The following KCNIP4 variants were observed in gnomAD, a reference collection of about 807,000 sequenced individuals.
KCNIP4 encodes Kv channel-interacting protein 4.
Under a neutral mutation model 34.0 loss-of-function variants are expected in KCNIP4, and 12 were observed. That is an observed-to-expected ratio of 0.35 (90% CI 0.23 to 0.57). The LOEUF (loss-of-function observed/expected upper bound fraction) is 0.57, where lower values mean the gene tolerates loss of function less well. Ranked by LOEUF, KCNIP4 falls within the 20% of genes least tolerant of loss-of-function variation. The pLI is 0.83. For synonymous variants in KCNIP4, 124 were observed against 102.2 expected (o/e 1.21, Z -1.29); for missense variants, 238 against 311.7 (o/e 0.76, Z 1.78).
At chr4:21,677,971 T>C (rs1364088886) in intron 1 of KCNIP4, among the ~76,000 whole-genome samples, 2 of 152,250 alleles carry the variant, frequency 1.3e-5, no homozygotes, top group South Asian at 2.1e-4. Flanking sequence ...AGCCTGGTCT[T>C]GAACTCCTGA....
chr4:21,709,997 A>G (rs1713595288), intron 1 of KCNIP4, among the ~76,000 whole-genome samples: 1 of 152,210 alleles, frequency 6.6e-6, no homozygotes, highest in Non-Finnish European at 1.5e-5. Flanking sequence ...TTTAGATTAA[A>G]TTGGATAGGA....
chr4:20,870,941 C>T (rs1015182216), intron 2 of KCNIP4, among the ~76,000 whole-genome samples: 2 of 152,076 alleles, frequency 1.3e-5, no homozygotes, highest in African/African-American at 4.8e-5. Flanking sequence ...AGAGGAGAGG[C>T]CTCCTGAGAC....
intron 1 of KCNIP4, among the ~76,000 whole-genome samples, chr4:21,879,939 T>C (rs1726369378): frequency 6.6e-6 from 1 of 152,082 alleles, no homozygotes; most frequent in Non-Finnish European, 1.5e-5. Flanking sequence ...CACTCTGCAC[T>C]TCGCCTTCTT....
intron 1 of KCNIP4, among the ~76,000 whole-genome samples, chr4:21,109,792 T>C (rs540832228): frequency 6.6e-6 from 1 of 152,330 alleles, no homozygotes; most frequent in East Asian, 1.9e-4. Flanking sequence ...TTTCCTACCA[T>C]ATTCTTTGTG....
chr4:21,423,808 A>AT (rs58053047), intron 1 of KCNIP4, among the ~76,000 whole-genome samples: 14,223 of 141,350 alleles, frequency 0.1, 729 homozygotes, highest in East Asian at 0.18. Flanking sequence ...ACTTATGAGA[A>AT]TTTTTTTTTT....
chr4:21,054,507 G>T, intron 1 of KCNIP4, among the ~76,000 whole-genome samples: 2 of 146,692 alleles, frequency 1.4e-5, no homozygotes, highest in African/African-American at 2.5e-5. Context: ...AGACAAGAGT[G>T]AAACTCTGTC....
At chr4:21,221,451 G>A (rs1215109222) in intron 1 of KCNIP4, among the ~76,000 whole-genome samples, 6 of 152,142 alleles carry the variant, frequency 3.9e-5, no homozygotes. Flanking sequence ...GGAAGGGGAA[G>A]CAAGGCACCT....
chr4:21,067,745 G>A (rs1233426235), intron 1 of KCNIP4, among the ~76,000 whole-genome samples: 2 of 152,126 alleles, frequency 1.3e-5, no homozygotes. Flanking sequence ...CCCTCTCCCA[G>A]CTCCAGGAAG....
chr4:20,732,107 C>G, intron 7 of KCNIP4, 39 bp from the exon 8 acceptor site: 2 of 1,365,730 alleles, frequency 1.5e-6, no homozygotes, highest in Non-Finnish European at 2.1e-6. Context: ...TTAGACTTAT[C>G]CCTTAATACC....
At chr4:20,736,190 A>G (rs138777937) in intron 5 of KCNIP4, among the ~76,000 whole-genome samples, 211 of 152,310 alleles carry the variant, frequency 1.4e-3, no homozygotes, top group African/African-American at 2.7e-3. Context: ...ATTTTTGTGC[A>G]TACACAAGTA....
chr4:21,122,986 A>G (rs938098873), intron 1 of KCNIP4, among the ~76,000 whole-genome samples: 11 of 152,158 alleles, frequency 7.2e-5, no homozygotes, highest in African/African-American at 2.7e-4. Context: ...CAAGGCGGGC[A>G]GATCACAAGG....
intron 1 of KCNIP4, among the ~76,000 whole-genome samples, chr4:21,814,115 C>T (rs761313607): frequency 6.6e-6 from 1 of 152,024 alleles, no homozygotes; most frequent in Non-Finnish European, 1.5e-5. Flanking sequence ...GTCAGGTTTT[C>T]GAGGTCACAC....
chr4:21,040,724 G>A (rs1741879680), intron 1 of KCNIP4, among the ~76,000 whole-genome samples: 1 of 151,986 alleles, frequency 6.6e-6, no homozygotes. Context: ...TAAATCACAA[G>A]TTTCAAGTAA....
chr4:20,782,815 C>T (rs1756988575), intron 3 of KCNIP4, among the ~76,000 whole-genome samples: 2 of 152,196 alleles, frequency 1.3e-5, no homozygotes. Flanking sequence ...CAAATATATG[C>T]AGCTGACTTG....
intron 1 of KCNIP4, among the ~76,000 whole-genome samples, chr4:21,305,185 G>T (rs1712316596): frequency 6.6e-6 from 1 of 152,140 alleles, no homozygotes; most frequent in Non-Finnish European, 1.5e-5. Context: ...GAGAGCAAAA[G>T]AAATGAGGCA....
At chr4:21,008,387 G>T (rs1488009342) in intron 1 of KCNIP4, among the ~76,000 whole-genome samples, 2 of 152,104 alleles carry the variant, frequency 1.3e-5, no homozygotes, top group Non-Finnish European at 2.9e-5. Flanking sequence ...CTGAAATTAG[G>T]CTACTATGTT....
At chr4:20,851,237 T>C (rs1720992133) in intron 2 of KCNIP4, among the ~76,000 whole-genome samples, 1 of 152,130 alleles carries the variant, frequency 6.6e-6, no homozygotes, top group Non-Finnish European at 1.5e-5. Flanking sequence ...GCAGTGTCCA[T>C]GTGTTCTCAT....
intron 1 of KCNIP4, among the ~76,000 whole-genome samples, chr4:21,080,676 T>C (rs1745925042): frequency 6.6e-6 from 1 of 151,774 alleles, no homozygotes; most frequent in Admixed American, 6.6e-5. Context: ...TCTCCTAAGA[T>C]ATAAGATCTT....
chr4:21,589,200 A>ATATATG (rs1420306222), intron 1 of KCNIP4, among the ~76,000 whole-genome samples: 1 of 33,100 alleles, frequency 3.0e-5, no homozygotes, highest in African/African-American at 9.2e-5. Context: ...ATATATATAT[A>ATATATG]TGTGTACATA....
Sources: allele counts gnomAD v4.1 joint callset (sites outside exome capture counted in the v4.1 genomes callset), GRCh38; gene constraint gnomAD v4.1.1; transcripts MANE v1.5; gene names NCBI Gene and HGNC (gene_info 2026-07-23, HGNC 2026-07-21).